Variants in SYT1 observed in about 807,000 individuals in gnomAD.
The protein encoded by SYT1 is synaptotagmin 1, also known as synaptotagmin-1.
A neutral mutation model predicts 44.8 loss-of-function variants in SYT1; 8 were observed. That is an observed-to-expected ratio of 0.18 (90% CI 0.10 to 0.32). The LOEUF is 0.32. SYT1 is among the 10% of genes least tolerant of loss of function. SYT1 has a pLI of 1.00. For missense variants in SYT1, 286 were observed against 509.3 expected (o/e 0.56, Z 4.22); for synonymous variants, 154 against 188.8 (o/e 0.82, Z 1.51).
At chr12:79,333,610 GCCAC>G (rs1195584075) in intron 8 of SYT1, among the ~76,000 whole-genome samples, 21 of 152,090 alleles carry the variant, frequency 1.4e-4, no homozygotes, top group Admixed American at 9.8e-4. Flanking sequence ...ACAAGATTCA[GCCAC>G]TCAATGTCTT....
chr12:78,931,715 T>C (rs1254853535), intron 1 of SYT1, among the ~76,000 whole-genome samples: 1 of 152,204 alleles, frequency 6.6e-6, no homozygotes, highest in Non-Finnish European at 1.5e-5. Context: ...CTGTGTCCCT[T>C]GCTGGCAAGT....
chr12:79,351,525 C>G (rs1051138540), intron 8 of SYT1, among the ~76,000 whole-genome samples: 1 of 148,178 alleles, frequency 6.7e-6, no homozygotes, highest in Non-Finnish European at 1.5e-5. Flanking sequence ...GGAAAATAGA[C>G]AGAATTCTGC....
At position 79,296,291 on chromosome 12, in the gene SYT1, G is replaced by T. The variant is rs73351033; in HGVS notation, c.642+55G>T. On this transcript the variant is annotated intron_variant, in intron 7 of 10. Transcript: ENST00000261205. ...CCTTTGTTGTTTTACTTAAAAGACT[G>T]ATCTCATCCTGACACATACATAGAC... The T allele has an allele frequency of 1.4e-4, 211 of 1,543,664 alleles. No individual in the cohort carries two copies. The African/African-American group carries it at 2.7e-3, about 20-fold the overall frequency.
chr12:79,039,412 A>C (rs951851958), intron 2 of SYT1, among the ~76,000 whole-genome samples: 6 of 152,138 alleles, frequency 3.9e-5, no homozygotes, highest in South Asian at 2.1e-4. Flanking sequence ...GAAACATCAG[A>C]TAGATGATGG....
chr12:79,142,164 C>A (rs1166507011), intron 3 of SYT1, among the ~76,000 whole-genome samples: 1 of 152,172 alleles, frequency 6.6e-6, no homozygotes, highest in Non-Finnish European at 1.5e-5. Context: ...GATTAACGCA[C>A]AGACATTGCA....
At chr12:79,058,740 T>C (rs970380477) in intron 3 of SYT1, among the ~76,000 whole-genome samples, 4 of 152,062 alleles carry the variant, frequency 2.6e-5, no homozygotes, top group Admixed American at 2.0e-4. Flanking sequence ...GTGATACATG[T>C]ATAGATAGTA....
In SYT1 at chr12:79,285,833, A is replaced by T. The variant is rs780336303; in HGVS notation, c.213A>T (p.Leu71Phe). ...CAATAGCCATAGTCGCAGTCCTTTT[A>T]GTCCTGACCTGCTGCTTTTGTATCT... ...LIAIAIVAVL[L>F]VLTCCFCICK... The change falls in exon 5 of 11, where the codon TTA becomes TTT. Residue 71 changes from leucine to phenylalanine, a missense_variant. Coordinates refer to ENST00000261205, the MANE Select transcript of SYT1 (RefSeq NM_005639.3). 1 of 1,612,860 alleles carries T rather than the reference A, an allele frequency of 6.2e-7. No individual in the cohort carries two copies. Among genetic ancestry groups the T allele is most frequent in the East Asian group, 2.2e-5 (1 of 44,862 alleles).
At chr12:79,001,962 A>C (rs982079665) in intron 2 of SYT1, among the ~76,000 whole-genome samples, 1 of 152,044 alleles carries the variant, frequency 6.6e-6, no homozygotes, top group Admixed American at 6.6e-5. Context: ...TTAACTGAGA[A>C]GTTTTGCTTT....
intron 2 of SYT1, among the ~76,000 whole-genome samples, chr12:79,019,229 G>T (rs935137032): frequency 1.3e-5 from 2 of 151,880 alleles, no homozygotes; most frequent in Non-Finnish European, 2.9e-5. Context: ...ATGTGATTTC[G>T]CAGTCTATAA....
intron 1 of SYT1, among the ~76,000 whole-genome samples, chr12:78,886,990 AG>A (rs1874786064): frequency 6.6e-6 from 1 of 151,994 alleles, no homozygotes; most frequent in Non-Finnish European, 1.5e-5. Context: ...TTTGAGATTA[AG>A]GAAATAATGG....
intron 1 of SYT1, among the ~76,000 whole-genome samples, chr12:78,893,444 A>T (rs1057173074): frequency 6.6e-6 from 1 of 151,762 alleles, no homozygotes; most frequent in Non-Finnish European, 1.5e-5. Context: ...ACCTAGCAAC[A>T]TTCTTCTACA....
intron 1 of SYT1, among the ~76,000 whole-genome samples, chr12:78,933,701 T>A (rs1166790495): frequency 6.6e-6 from 1 of 152,194 alleles, no homozygotes; most frequent in Non-Finnish European, 1.5e-5. Flanking sequence ...TTAGCATTAG[T>A]TTAATAATTT....
At chr12:79,110,447 T>G (rs1878952278) in intron 3 of SYT1, among the ~76,000 whole-genome samples, 1 of 152,170 alleles carries the variant, frequency 6.6e-6, no homozygotes. Context: ...TTCTTTTTTA[T>G]TAGTGGTTGG....
intron 8 of SYT1, among the ~76,000 whole-genome samples, chr12:79,342,082 T>C (rs1882402028): frequency 6.6e-6 from 1 of 152,150 alleles, no homozygotes; most frequent in African/African-American, 2.4e-5. Context: ...CCCTTGTGGC[T>C]GTTGCGCAGA....
At chr12:79,354,020 G>C (rs73354722) in intron 9 of SYT1, among the ~76,000 whole-genome samples, 4,780 of 152,228 alleles carry the variant, frequency 0.031, 233 homozygotes, top group African/African-American at 0.11. Context: ...TTAGGTATTT[G>C]ATAGCCTAAC....
chr12:79,002,758 G>A (rs1362293184), intron 2 of SYT1, among the ~76,000 whole-genome samples: 1 of 151,926 alleles, frequency 6.6e-6, no homozygotes, highest in East Asian at 1.9e-4. Context: ...TTCTATTGTT[G>A]TTAAGGAGAT....
chr12:79,359,544 T>G (rs947631492), intron 9 of SYT1, among the ~76,000 whole-genome samples: 1 of 152,118 alleles, frequency 6.6e-6, no homozygotes, highest in African/African-American at 2.4e-5. Context: ...TGTTTGAAAG[T>G]GGCAGCAATT....
In SYT1 at chr12:79,171,690, A is replaced by C. The variant is rs1871533038; in HGVS notation, c.-17-45813A>C. Among the ~76,000 whole-genome samples, 3 of 152,116 alleles carry C rather than the reference A, an allele frequency of 2.0e-5. No homozygotes were observed. In the South Asian group the frequency reaches 6.2e-4, roughly 32 times the overall value. On this transcript the variant is annotated intron_variant, in intron 3 of 10. Coordinates refer to ENST00000261205, the MANE Select transcript of SYT1 (RefSeq NM_005639.3). ...CAAAGGAGGTACACAGTAAAAAAAA[A>C]ATGATTAGAACCATAAGTTCTGGAG...
chr12:78,997,240 C>T (rs888342046), intron 2 of SYT1, among the ~76,000 whole-genome samples: 1 of 152,154 alleles, frequency 6.6e-6, no homozygotes, highest in African/African-American at 2.4e-5. Flanking sequence ...AAAACATGGC[C>T]CGTGGGAATC....
Sources: allele counts gnomAD v4.1 joint callset (sites outside exome capture counted in the v4.1 genomes callset), GRCh38; gene constraint gnomAD v4.1.1; transcripts MANE v1.5; gene names NCBI Gene and HGNC (gene_info 2026-07-23, HGNC 2026-07-21).